PGAP4: variants seen among roughly 807,000 people sequenced by gnomAD.
The protein encoded by PGAP4 is post-GPI attachment to proteins GalNAc transferase 4.
Under a neutral mutation model 28.2 loss-of-function variants are expected in PGAP4, and 12 were observed. That is an observed-to-expected ratio of 0.42 (90% CI 0.27 to 0.69). The LOEUF (loss-of-function observed/expected upper bound fraction) is 0.69. Among genes scored for constraint, PGAP4 ranks in the 30% least tolerant of loss-of-function variants. The pLI, the probability that PGAP4 is intolerant of heterozygous loss-of-function variation, is 0.22. For missense variants in PGAP4, 425 were observed against 513.5 expected (o/e 0.83, Z 1.67); for synonymous variants, 205 against 211.8 (o/e 0.97, Z 0.28).
intron 2 of PGAP4, among the ~76,000 whole-genome samples, chr9:101,512,947 T>C (rs1168578923): frequency 1.3e-5 from 2 of 152,184 alleles, no homozygotes; most frequent in Non-Finnish European, 1.5e-5. Flanking sequence ...AAGCTGACTC[T>C]TTGACACTTT....
At chr9:101,479,812 AG>A (rs1826430804) in intron 1 of PGAP4, 1 of 152,236 alleles carries the variant, frequency 6.6e-6, no homozygotes, top group Non-Finnish European at 1.5e-5. Flanking sequence ...GGTCAGAATT[AG>A]CTCATGCCAC....
chr9:101,511,559 G>C (rs977325695), intron 2 of PGAP4, among the ~76,000 whole-genome samples: 1 of 152,146 alleles, frequency 6.6e-6, no homozygotes, highest in Non-Finnish European at 1.5e-5. Context: ...GGGTTATATG[G>C]TGTTCCCAGG....
At chr9:101,479,365 A>G (rs1826415984) in intron 1 of PGAP4, among the ~76,000 whole-genome samples, 1 of 152,204 alleles carries the variant, frequency 6.6e-6, no homozygotes, top group South Asian at 2.1e-4. Flanking sequence ...CTTTGTTATT[A>G]CCACAAGGGA....
Position 101,476,544 on chromosome 9 carries a change from C to T in PGAP4, c.549G>A (p.Ser183=), listed in dbSNP as rs535197432. The T allele has an allele frequency of 1.0e-4, 162 of 1,614,180 alleles. No individual in the cohort carries two copies. Among genetic ancestry groups the T allele is most frequent in the Admixed American group, 5.8e-4 (35 of 60,022 alleles). Residue 183 remains serine (S), a synonymous_variant, in exon 2 of 2, where the codon TCG becomes TCA. Transcript: ENST00000374848. This position sits in a 1 kb window ranked among gnomAD's most constrained non-coding sequence, Gnocchi z 7.0. ...CATAGTCCTGCTTCTCTTTCTCAAACGAGTTGGTCGAAGGGTCATCACCAT... is the reference window on the plus strand; with the variant it reads ...CATAGTCCTGCTTCTCTTTCTCAAATGAGTTGGTCGAAGGGTCATCACCAT... ...DDYGDDPSTN[S]FEKEKQDYVY...
At chr9:101,516,157 ATTAAATAAG>A (rs1482295453) in intron 2 of PGAP4, among the ~76,000 whole-genome samples, 16 of 152,256 alleles carry the variant, frequency 1.1e-4, no homozygotes, top group African/African-American at 3.9e-4. Flanking sequence ...TTACCTCCTA[ATTAAATAAG>A]TTAATCTATT....
intron 2 of PGAP4, among the ~76,000 whole-genome samples, chr9:101,515,034 T>C (rs1002843740): frequency 2.0e-5 from 3 of 152,204 alleles, no homozygotes; most frequent in Non-Finnish European, 4.4e-5. Flanking sequence ...CTTTGTTGAG[T>C]GCTATGTTAG....
intron 2 of PGAP4, among the ~76,000 whole-genome samples, chr9:101,507,200 C>A (rs1394512746): frequency 6.6e-6 from 1 of 152,084 alleles, no homozygotes; most frequent in Non-Finnish European, 1.5e-5. Context: ...TTGACTCTCT[C>A]TTGCAATATG....
intron 1 of PGAP4, among the ~76,000 whole-genome samples, chr9:101,477,929 A>G (rs1167193496): frequency 4.0e-5 from 6 of 150,108 alleles, no homozygotes; most frequent in South Asian, 2.1e-4. Context: ...GCGGGGGGGG[A>G]AAGGCAGAGG....
intron 2 of PGAP4, among the ~76,000 whole-genome samples, chr9:101,497,587 A>G (rs1452566494): frequency 6.6e-6 from 1 of 151,682 alleles, no homozygotes; most frequent in Non-Finnish European, 1.5e-5. Context: ...GTATCTATCT[A>G]TATAAGAAAA....
chr9:101,509,165 A>T (rs907434181), intron 2 of PGAP4, among the ~76,000 whole-genome samples: 14 of 152,170 alleles, frequency 9.2e-5, no homozygotes, highest in Non-Finnish European at 1.3e-4. Context: ...GTGGTTGGGA[A>T]GTAATGCTCA....
At chr9:101,495,799 G>T (rs1826742006) in intron 2 of PGAP4, among the ~76,000 whole-genome samples, 1 of 150,108 alleles carries the variant, frequency 6.7e-6, no homozygotes, top group Admixed American at 6.7e-5. Flanking sequence ...AACATAAAAT[G>T]TTTGAGTTTT....
chr9:101,515,526 T>C (rs1375713809), intron 2 of PGAP4, among the ~76,000 whole-genome samples: 1 of 152,216 alleles, frequency 6.6e-6, no homozygotes, highest in Non-Finnish European at 1.5e-5. Flanking sequence ...TTTCCAAGTA[T>C]AGGCACTCCT....
intron 2 of PGAP4, among the ~76,000 whole-genome samples, chr9:101,512,899 A>C (rs1826909350): frequency 6.6e-6 from 1 of 152,100 alleles, no homozygotes; most frequent in African/African-American, 2.4e-5. Flanking sequence ...TTTCCCAGCT[A>C]TTCTCTAAGG....
At chr9:101,481,027 ATTAGCCAG>A (rs1435762089) in intron 1 of PGAP4, among the ~76,000 whole-genome samples, 2 of 152,108 alleles carry the variant, frequency 1.3e-5, no homozygotes, top group African/African-American at 4.8e-5. Flanking sequence ...AGATACAAAA[ATTAGCCAG>A]GCATGGTAGC....
Position 101,524,502 on chromosome 9 carries a change from C to T in PGAP4, c.-165+6846G>A, listed in dbSNP as rs183511660. On this transcript the variant is annotated intron_variant, in intron 2 of 3. Transcript: ENST00000374851. ...AGTTCTGGCCACGAGGCTTCTCACC[C>T]CATTCAAATTGTTACAAAATTCAGC... 2.3e-3 allele frequency among the ~76,000 whole-genome samples: 350 copies of T among 152,296 alleles called. 1 individual carries two copies. Among genetic ancestry groups the T allele is most frequent in the Admixed American group, 6.2e-3 (95 of 15,304 alleles).
chr9:101,494,665 T>A (rs1588204333), intron 2 of PGAP4, among the ~76,000 whole-genome samples: 1 of 151,836 alleles, frequency 6.6e-6, no homozygotes, highest in Admixed American at 6.6e-5. Flanking sequence ...TTATTAGAAT[T>A]CATTGCTTTT....
chr9:101,489,407 A>C (rs1324475473), upstream of PGAP4, among the ~76,000 whole-genome samples: 5 of 152,180 alleles, frequency 3.3e-5, no homozygotes, highest in Admixed American at 1.3e-4. Flanking sequence ...GGGTGAAATT[A>C]AAGAAAACCA....
chr9:101,476,076 G>A lies in PGAP4; in HGVS notation c.1017C>T (p.Phe339=). ...GGGTCCGGCGGGCCGCAGGTGCCGG[G>A]AAGAGCATGGCTGGGGTGCAACACT... The part of the protein sequence containing the change: ...ASQCCTPAML[F]PAPAARRTLT... The change falls in exon 2 of 2, where the codon TTC becomes TTT. Residue 339 remains phenylalanine, a synonymous_variant. Coordinates refer to ENST00000374848, the MANE Select transcript of PGAP4 (RefSeq NM_032342.3). The surrounding 1 kb of genome is among the most constrained non-coding windows in gnomAD (Gnocchi z 7.0). 1 of 1,614,202 alleles carries A rather than the reference G, an allele frequency of 6.2e-7. No individual in the cohort carries two copies. Among genetic ancestry groups the A allele is most frequent in the Non-Finnish European group, 8.5e-7 (1 of 1,180,038 alleles).
intron 2 of PGAP4, among the ~76,000 whole-genome samples, chr9:101,530,885 TTTTG>T (rs143696837): frequency 7.8e-4 from 119 of 152,232 alleles, no homozygotes; most frequent in Middle Eastern, 3.4e-3. Flanking sequence ...GTGAAGGTGT[TTTTG>T]TTTGTTTGTT....
Sources: gnomAD v4.1 joint callset for allele counts (sites outside exome capture counted in the v4.1 genomes callset) on GRCh38, gnomAD v4.1.1 for gene constraint, Gnocchi (gnomAD v3.1) non-coding constraint, MANE v1.5 for transcripts, NCBI Gene and HGNC (gene_info 2026-07-23, HGNC 2026-07-21) for gene names.